The following PEPD variants were observed in gnomAD, a reference collection of about 807,000 sequenced individuals.
PEPD encodes the protein peptidase D.
Under a neutral mutation model 60.7 loss-of-function variants are expected in PEPD, and 53 were observed. That is an observed-to-expected ratio of 0.87 (90% confidence interval 0.70 to 1.10). The LOEUF (loss-of-function observed/expected upper bound fraction) is 1.10, where lower values mean the gene tolerates loss of function less well. Among genes scored for constraint, PEPD ranks in the 50% least tolerant of loss-of-function variants. The pLI, the probability that PEPD is intolerant of heterozygous loss-of-function variation, is 0.00. For missense variants in PEPD, 711 were observed against 711.9 expected (o/e 1.00, Z 0.01); for synonymous variants, 267 against 284.1 (o/e 0.94, Z 0.60).
intron 7 of PEPD, among the ~76,000 whole-genome samples, chr19:33,473,057 T>C (rs928323232): frequency 2.0e-5 from 3 of 152,112 alleles, no homozygotes; most frequent in African/African-American, 7.2e-5. Context: ...GCCTGAAACC[T>C]AGCCAGGGAC....
In PEPD at chr19:33,482,194, A is replaced by G. The variant is rs147004318; in HGVS notation, c.504-4104T>C. Among the ~76,000 whole-genome samples, 4 of 152,314 alleles carry G rather than the reference A, an allele frequency of 2.6e-5. No individual in the cohort carries two copies. In the East Asian group the frequency reaches 7.7e-4, roughly 29 times the overall value. ...AGAGACAAAAATTTTTCAACAAAACACTAGCAAACAGAATCCAGCAACATA... is the reference window on the plus strand; with the variant it reads ...AGAGACAAAAATTTTTCAACAAAACGCTAGCAAACAGAATCCAGCAACATA... On this transcript the variant is annotated intron_variant, in intron 6 of 14. Transcript: ENST00000244137.
intron 4 of PEPD, among the ~76,000 whole-genome samples, chr19:33,495,857 T>A (rs1970592806): frequency 6.6e-6 from 1 of 152,080 alleles, no homozygotes; most frequent in Non-Finnish European, 1.5e-5. Flanking sequence ...GCTTGGTGAC[T>A]GTAATCCCAG....
intron 7 of PEPD, among the ~76,000 whole-genome samples, chr19:33,466,502 C>T (rs1342917203): frequency 6.6e-6 from 1 of 152,092 alleles, no homozygotes; most frequent in East Asian, 1.9e-4. Context: ...TTCCAGTTTG[C>T]AGGAAATATG....
At chr19:33,409,022 G>A (rs988092460) in intron 11 of PEPD, among the ~76,000 whole-genome samples, 2 of 152,220 alleles carry the variant, frequency 1.3e-5, no homozygotes, top group Non-Finnish European at 2.9e-5. Context: ...CACCAATTTG[G>A]ACTTGGCATT....
At chr19:33,421,066 G>C (rs1969007030) in intron 9 of PEPD, among the ~76,000 whole-genome samples, 1 of 152,240 alleles carries the variant, frequency 6.6e-6, no homozygotes, top group Admixed American at 6.5e-5. Flanking sequence ...TTCTACTGCG[G>C]GGGTGGGCCC....
intron 11 of PEPD, among the ~76,000 whole-genome samples, chr19:33,402,618 C>T (rs923618664): frequency 1.3e-5 from 2 of 152,226 alleles, no homozygotes; most frequent in Non-Finnish European, 2.9e-5. Flanking sequence ...GCCTCATGTC[C>T]AGCAAGGCTT....
intron 9 of PEPD, among the ~76,000 whole-genome samples, chr19:33,454,733 A>C (rs1600128925): frequency 6.6e-6 from 1 of 152,234 alleles, no homozygotes; most frequent in Non-Finnish European, 1.5e-5. Context: ...CCATGCCTTA[A>C]GTGTGGGTGG....
At chr19:33,478,415 C>A (rs2145298399) in intron 6 of PEPD, among the ~76,000 whole-genome samples, 1 of 152,240 alleles carries the variant, frequency 6.6e-6, no homozygotes, top group South Asian at 2.1e-4. Flanking sequence ...GGAAAGAATG[C>A]AGAGAAAGCA....
At chr19:33,514,912 C>T (rs529808389) in intron 1 of PEPD, among the ~76,000 whole-genome samples, 16 of 152,076 alleles carry the variant, frequency 1.1e-4, no homozygotes, top group Non-Finnish European at 2.1e-4. Flanking sequence ...CTCTGTGTAT[C>T]GTCCCCTCTC....
intron 3 of PEPD, among the ~76,000 whole-genome samples, chr19:33,505,602 G>C (rs2145342563): frequency 6.6e-6 from 1 of 151,984 alleles, no homozygotes; most frequent in East Asian, 1.9e-4. Context: ...AGAGAGGCTG[G>C]GGAAGCCTCG....
At chr19:33,465,362 T>C (rs1970001365) in intron 7 of PEPD, among the ~76,000 whole-genome samples, 3 of 152,116 alleles carry the variant, frequency 2.0e-5, no homozygotes, top group Admixed American at 1.3e-4. Context: ...CACTTTAAAT[T>C]GCCATTTACT....
intron 11 of PEPD, among the ~76,000 whole-genome samples, chr19:33,411,108 G>T (rs1215144270): frequency 6.6e-6 from 1 of 152,198 alleles, no homozygotes; most frequent in Non-Finnish European, 1.5e-5. Flanking sequence ...TCTCCTTGTC[G>T]TGGCTTCTAT....
chr19:33,427,727 C>A (rs914450536), intron 9 of PEPD, among the ~76,000 whole-genome samples: 7 of 129,054 alleles, frequency 5.4e-5, no homozygotes, highest in African/African-American at 2.2e-4. Flanking sequence ...CAAAAGGAAG[C>A]CTTAACAGAT....
chr19:33,512,879 GA>G (rs1970956295), intron 1 of PEPD, 103 bp from the exon 2 acceptor site: 1 of 1,321,714 alleles, frequency 7.6e-7, no homozygotes. Flanking sequence ...CCTGCCGTGG[GA>G]CCCCCATCAG....
At position 33,393,999 on chromosome 19, in the gene PEPD, C is replaced by T. The variant is rs545951584; in HGVS notation, c.968-2520G>A. ...CCAGGCCTGGTGATTTCTCCTTGCACGGTCCATCCAGCCTGCAGCCGTCCC... is the reference window on the plus strand; with the variant it reads ...CCAGGCCTGGTGATTTCTCCTTGCATGGTCCATCCAGCCTGCAGCCGTCCC... On this transcript the variant is annotated intron_variant, in intron 12 of 14. Transcript: ENST00000244137. 3.3e-5 allele frequency among the ~76,000 whole-genome samples: 5 copies of T among 152,378 alleles called. 1 individual carries two copies. Among genetic ancestry groups the T allele is most frequent in the African/African-American group, 9.6e-5 (4 of 41,600 alleles).
In PEPD at chr19:33,478,847, G is replaced by T. The variant is rs746283448; in HGVS notation, c.504-757C>A. On this transcript the variant is annotated intron_variant, in intron 6 of 14. Coordinates refer to ENST00000244137, the MANE Select transcript of PEPD (RefSeq NM_000285.4). ...GGAATTGTTTCAAATAAAATGAAAA[G>T]GTACTGCAGAGTAACCTGAATCCAC... Among the ~76,000 whole-genome samples the T allele has an allele frequency of 4.6e-5, 7 of 152,262 alleles. 1 individual carries two copies. In the Middle Eastern group the frequency reaches 0.014, roughly 296 times the overall value.
intron 9 of PEPD, among the ~76,000 whole-genome samples, chr19:33,438,975 C>T (rs1426245997): frequency 1.3e-5 from 2 of 152,212 alleles, no homozygotes; most frequent in Non-Finnish European, 2.9e-5. Flanking sequence ...CTGCCTTGGC[C>T]TCCCAAAGTG....
In PEPD at chr19:33,448,338, G is replaced by A. The variant is rs571147325; in HGVS notation, c.671+14657C>T. ...CCTTCTCACGGGCAGAACCAGACAG[G>A]ACACAGCCACCTCCGAGGTGGGCGT... On this transcript the variant is annotated intron_variant, in intron 9 of 14. Transcript: ENST00000244137. Among the ~76,000 whole-genome samples the A allele has an allele frequency of 9.2e-5, 14 of 152,218 alleles. No homozygotes were observed. The South Asian group carries it at 2.9e-3, about 32-fold the overall frequency.
At chr19:33,450,524 G>A (rs541969598) in intron 9 of PEPD, among the ~76,000 whole-genome samples, 1 of 152,144 alleles carries the variant, frequency 6.6e-6, no homozygotes, top group Non-Finnish European at 1.5e-5. Context: ...CATTCACGCA[G>A]GAGACAACAA....
Sources: gnomAD v4.1 joint callset for allele counts (sites outside exome capture counted in the v4.1 genomes callset) on GRCh38, gnomAD v4.1.1 for gene constraint, MANE v1.5 for transcripts, NCBI Gene and HGNC (gene_info 2026-07-23, HGNC 2026-07-21) for gene names.